ZNF106: variants seen among roughly 807,000 people sequenced by gnomAD.
ZNF106 encodes the protein zinc finger protein 106.
In ZNF106, 67 loss-of-function variants were observed where a neutral mutation model predicts 195.1. That is an observed-to-expected ratio of 0.34 (90% confidence interval 0.28 to 0.42). The LOEUF is 0.42. Among genes scored for constraint, ZNF106 ranks in the 10% least tolerant of loss-of-function variants. ZNF106 has a pLI of 1.00. For synonymous variants in ZNF106, 784 were observed against 818.6 expected, an observed-to-expected ratio of 0.96 and a Z score of 0.72; for missense variants, 2,118 against 2,304.5, an observed-to-expected ratio of 0.92 and a Z score of 1.66.
chr15:42,417,750 C>G, intron 21 of ZNF106, 55 bp downstream of exon 21: 3 of 1,542,818 alleles, frequency 1.9e-6, no homozygotes, highest in Non-Finnish European at 2.6e-6. Flanking sequence ...TTTGCTAGCC[C>G]CTGCTCTGAG....
Position 42,440,927 on chromosome 15 carries a change from G to A in ZNF106, c.3764-1114C>T, listed in dbSNP as rs868664361. Among the ~76,000 whole-genome samples the A allele has an allele frequency of 4.3e-5, 6 of 140,330 alleles. No homozygotes were observed. The South Asian group carries it at 1.1e-3, about 27-fold the overall frequency. The allele number at this position is 140,330 out of a possible 152,430, so 92.1% of individuals were successfully genotyped here. ...GAACCTGGGAGGCAGAGGTTGCCGT[G>A]AGCCAAGAGCATGCCATTGCACACC... is the stretch of plus-strand genomic sequence containing the variant. On this transcript the variant is annotated intron_variant, in intron 10 of 21. Transcript: ENST00000564754.
At chr15:42,428,273 C>G (rs77128833) in intron 14 of ZNF106, 139 bp from the exon 15 acceptor site, 381 of 603,062 alleles carry the variant, frequency 6.3e-4, no homozygotes, top group African/African-American at 3.1e-3. Context: ...AGGGGACTAT[C>G]TTAGATCTGT....
intron 2 of ZNF106, 110 bp from the exon 3 acceptor site, chr15:42,466,224 A>C (rs918769688): frequency 1.4e-6 from 1 of 698,156 alleles, no homozygotes; most frequent in Admixed American, 3.7e-5. Flanking sequence ...TTATGTCAAA[A>C]TGTGTTTTTG....
chr15:42,468,069 T>A (rs1472681488), intron 2 of ZNF106, among the ~76,000 whole-genome samples: 2 of 77,028 alleles, frequency 2.6e-5, no homozygotes, highest in Non-Finnish European at 4.1e-5. Flanking sequence ...TCAAAACGCC[T>A]TTTTTTTTTT....
chr15:42,424,768 C>G, intron 16 of ZNF106, 66 bp downstream of exon 16: 1 of 1,516,960 alleles, frequency 6.6e-7, no homozygotes, highest in Non-Finnish European at 8.9e-7. Context: ...ACGTGAGCCA[C>G]CTCGCCTGGC....
rs753667212 is a variant in ZNF106, at chr15:42,451,554, G to A, written c.718C>T (p.His240Tyr). Residue 240 changes from histidine to tyrosine, a missense_variant, in exon 5 of 22, where the codon CAT becomes TAT. Physicochemically the swap from His to Tyr is moderately conservative, Grantham distance 83. Transcript: ENST00000564754. ...CAGTTTCCGTTACTGTTGTTCATAT[G>A]CCAACTGGAAAAGCCACCTGTTCCT... ...SEGTGGFSSW[H>Y]MNNSNGNWKS... 6.2e-7 allele frequency: 1 copy of A among 1,614,056 alleles called. No homozygotes were observed. Among genetic ancestry groups the A allele is most frequent in the South Asian group, 1.1e-5 (1 of 91,070 alleles).
intron 3 of ZNF106, among the ~76,000 whole-genome samples, chr15:42,458,652 G>A (rs1375210114): frequency 6.6e-6 from 1 of 151,038 alleles, no homozygotes; most frequent in Non-Finnish European, 1.5e-5. Context: ...AGGTTGCAAT[G>A]AGCCGAGATT....
chr15:42,481,203 C>T (rs1567033948), intron 1 of ZNF106, among the ~76,000 whole-genome samples: 2 of 151,920 alleles, frequency 1.3e-5, no homozygotes, highest in African/African-American at 2.4e-5. Context: ...CAAGTTCTAA[C>T]CTTCATTGTT....
In ZNF106 at chr15:42,417,186, G is replaced by A. The variant is rs2054487340; in HGVS notation, c.*118C>T. On this transcript the variant is annotated 3_prime_UTR_variant, in exon 22 of 22. Coordinates refer to ENST00000564754, the MANE Select transcript of ZNF106 (RefSeq NM_001366845.3). ...CAGACTTATGCTAGGGGTATGCCTG[G>A]CTAGTAACCACTTTCTCCTTCCTTA... 21 of 1,066,328 alleles carry A rather than the reference G, an allele frequency of 2.0e-5. No individual in the cohort carries two copies. In the South Asian group the frequency reaches 3.0e-4, roughly 15 times the overall value. The allele number at this position is 1,066,328 out of a possible 1,614,324, so 66.1% of individuals were successfully genotyped here.
chr15:42,423,212 A>G (rs2054732178), intron 17 of ZNF106, among the ~76,000 whole-genome samples: 1 of 152,006 alleles, frequency 6.6e-6, no homozygotes, highest in South Asian at 2.1e-4. Context: ...TACAAAAAAT[A>G]TAAAAAAATT....
intron 3 of ZNF106, among the ~76,000 whole-genome samples, chr15:42,458,601 G>A (rs1264517523): frequency 4.0e-5 from 6 of 151,692 alleles, no homozygotes; most frequent in South Asian, 2.1e-4. Flanking sequence ...CCAGCTATTC[G>A]GGAGGCTGAG....
intron 3 of ZNF106, among the ~76,000 whole-genome samples, chr15:42,465,552 C>T (rs567007730): frequency 6.6e-6 from 1 of 152,152 alleles, no homozygotes; most frequent in African/African-American, 2.4e-5. Flanking sequence ...GTTGGGATTA[C>T]AAGCGTGAGC....
intron 4 of ZNF106, among the ~76,000 whole-genome samples, chr15:42,456,012 G>T (rs2056214576): frequency 6.6e-6 from 1 of 152,148 alleles, no homozygotes. Context: ...ATGTAGGTAT[G>T]AAATTATGCA....
Position 42,416,683 on chromosome 15 carries a change from T to C in ZNF106, c.*621A>G, listed in dbSNP as rs1315208439. ...ATTTGCTTCCTGAATTCCTAAAAGA[T>C]AGTCAGCAGAGCAGCCACTGTTTGT... On this transcript the variant is annotated 3_prime_UTR_variant, in exon 22 of 22. Transcript: ENST00000564754. 1.3e-5 allele frequency: 2 copies of C among 152,182 alleles called. No individual in the cohort carries two copies. The highest frequency in any genetic ancestry group is 1.5e-5 in the Non-Finnish European group (1 of 68,070). 9.4% of individuals were successfully genotyped at this position (152,182 alleles called of 1,614,324 possible). A position where few individuals can be genotyped will look rare whatever the true frequency, so the allele number is the denominator to read the frequency against.
chr15:42,427,038 G>A (rs1396154697), intron 15 of ZNF106, among the ~76,000 whole-genome samples: 1 of 152,156 alleles, frequency 6.6e-6, no homozygotes, highest in Non-Finnish European at 1.5e-5. Context: ...GCCTATGAAT[G>A]ACACTGTAAT....
Position 42,424,077 on chromosome 15 carries a change from A to G in ZNF106, c.5191-17T>C. On this transcript the variant is annotated splice_polypyrimidine_tract_variant and intron_variant, in intron 16 of 21. Transcript: ENST00000564754. Reference sequence around the variant, plus strand: ...ATTCACCACCTTAAAGAAAAAATTAAACAAGTCAGATTCTGTATACGGTTC... The same window carrying G: ...ATTCACCACCTTAAAGAAAAAATTAGACAAGTCAGATTCTGTATACGGTTC... 2 of 1,608,704 alleles carry G rather than the reference A, an allele frequency of 1.2e-6. No homozygotes were observed.
intron 3 of ZNF106, among the ~76,000 whole-genome samples, chr15:42,460,042 CAAA>C (rs1288163141): frequency 8.8e-5 from 8 of 91,340 alleles, no homozygotes; most frequent in African/African-American, 1.3e-4. Flanking sequence ...GACTTGGCCT[CAAA>C]AAAAAAAAAA....
chr15:42,476,994 T>C (rs970182087), intron 1 of ZNF106, among the ~76,000 whole-genome samples: 1 of 152,178 alleles, frequency 6.6e-6, no homozygotes, highest in Non-Finnish European at 1.5e-5. Context: ...AGTTAAGTTT[T>C]TGGGGGAGTC....
chr15:42,482,236 A>G (rs1244562285), intron 1 of ZNF106, among the ~76,000 whole-genome samples: 1 of 152,186 alleles, frequency 6.6e-6, no homozygotes, highest in Non-Finnish European at 1.5e-5. Context: ...GCATAGTTAT[A>G]AAAGTTTAAA....
Sources: allele counts gnomAD v4.1 joint callset (sites outside exome capture counted in the v4.1 genomes callset), GRCh38; gene constraint gnomAD v4.1.1; transcripts MANE v1.5; gene names NCBI Gene and HGNC (gene_info 2026-07-23, HGNC 2026-07-21).